Variants in NHS observed in about 807,000 individuals in gnomAD.
NHS encodes NHS actin remodeling regulator.
NHS carries 5 observed loss-of-function variants against 72.5 expected under a neutral mutation model. The observed-to-expected ratio is 0.07, with a 90% CI of 0.04 to 0.14. The LOEUF is 0.14. Ranked by LOEUF, NHS falls within the 10% of genes least tolerant of loss-of-function variation. The probability of loss-of-function intolerance (pLI) is 1.00; values close to 1 mark genes in which losing one functional copy is unlikely to be tolerated. For synonymous variants in NHS, 464 were observed against 547.7 expected, an observed-to-expected ratio of 0.85 and a Z score of 2.13; for missense variants, 1,072 against 1,355.7, an observed-to-expected ratio of 0.79 and a Z score of 3.29.
At chrX:17,562,540 A>G (rs2065421035) in intron 1 of NHS, among the ~76,000 whole-genome samples, 1 of 111,377 alleles carries the variant, frequency 9.0e-6, no homozygotes, top group African/African-American at 3.3e-5. Context: ...TGAGAGGTAT[A>G]AGGGAGATGG....
In NHS at chrX:17,733,804, A is replaced by C. The variant is rs1393160608; in HGVS notation, c.*1340A>C. The C allele has an allele frequency of 9.0e-6, 1 of 111,658 alleles. No individual in the cohort carries two copies. The highest frequency in any genetic ancestry group is 1.9e-5 in the Non-Finnish European group (1 of 53,113). The allele number at this position is 111,658 out of a possible 1,213,427, so 9.2% of individuals were successfully genotyped here. On this transcript the variant is annotated 3_prime_UTR_variant, in exon 9 of 9. Coordinates refer to ENST00000676302, the MANE Select transcript of NHS (RefSeq NM_001291867.2). ...AACTGAGTTTTTGTCTGGTTTTACT[A>C]TAGTGTCTGCTTGATGGCAAAAGGG...
intron 1 of NHS, among the ~76,000 whole-genome samples, chrX:17,403,962 G>C (rs1846094782): frequency 9.0e-6 from 1 of 111,418 alleles, no homozygotes; most frequent in Non-Finnish European, 1.9e-5. Context: ...AGCTATTTTA[G>C]TTATATTTCT....
At chrX:17,613,594 G>A (rs994352448) in intron 1 of NHS, among the ~76,000 whole-genome samples, 1 of 111,269 alleles carries the variant, frequency 9.0e-6, no homozygotes, top group Non-Finnish European at 1.9e-5. Flanking sequence ...CACATCTAAT[G>A]GTAGCACTGG....
At chrX:17,455,314 C>T (rs2064821477) in intron 1 of NHS, among the ~76,000 whole-genome samples, 1 of 111,710 alleles carries the variant, frequency 9.0e-6, no homozygotes, top group South Asian at 3.8e-4. Flanking sequence ...AGCTCCTCTT[C>T]CTCCTTCTCC....
chrX:17,623,989 A>G lies in NHS; in HGVS notation c.566-63753A>G, dbSNP rs1400298705. On this transcript the variant is annotated intron_variant, in intron 1 of 8. Coordinates refer to ENST00000676302, the MANE Select transcript of NHS (RefSeq NM_001291867.2). The stretch of plus-strand genomic sequence containing the variant: ...ATTGGAGTTGTAGGTCTCAAGCTCA[A>G]CTGCCTACGCAGCCAGGCAGCCAGC... Among the ~76,000 whole-genome samples the G allele has an allele frequency of 3.5e-5, 4 of 113,061 alleles. No homozygotes were observed. In the East Asian group the frequency reaches 1.1e-3, roughly 32 times the overall value.
chrX:17,602,564 A>G (rs1341293639), intron 1 of NHS, among the ~76,000 whole-genome samples: 3 of 111,314 alleles, frequency 2.7e-5, no homozygotes, highest in African/African-American at 9.8e-5. Flanking sequence ...ATTTGCTGCA[A>G]ATGGAGAGGA....
chrX:17,725,391 C>T lies in NHS; in HGVS notation c.1285C>T (p.His429Tyr). 8.3e-7 allele frequency: 1 copy of T among 1,206,456 alleles called. No homozygotes were observed. Among genetic ancestry groups the T allele is most frequent in the South Asian group, 1.8e-5 (1 of 56,789 alleles). ...PVARERNVIV[H>Y]TNPDPSNTVN... ...GGCCAGGGAAAGGAATGTGATTGTG[C>T]ACACAAACCCAGACCCCTCCAACAC... is the stretch of plus-strand genomic sequence containing the variant. The change falls in exon 7 of 9, where the codon CAC becomes TAC. Residue 429 changes from histidine to tyrosine, a missense_variant. His to Tyr is a moderately conservative substitution (Grantham distance 83, BLOSUM62 2). Coordinates refer to ENST00000676302, the MANE Select transcript of NHS (RefSeq NM_001291867.2).
chrX:17,472,711 T>C (rs932333773), intron 1 of NHS, among the ~76,000 whole-genome samples: 13 of 111,989 alleles, frequency 1.2e-4, no homozygotes, highest in African/African-American at 3.9e-4. Flanking sequence ...CAGACCACCA[T>C]AGACTCAGGT....
intron 1 of NHS, among the ~76,000 whole-genome samples, chrX:17,494,076 CTTTTTTTTT>C (rs749475125): frequency 4.1e-5 from 3 of 73,321 alleles, no homozygotes; most frequent in East Asian, 4.6e-4. Flanking sequence ...TCCTGGATGA[CTTTTTTTTT>C]TTTTTTTTTT....
chrX:17,620,616 G>A (rs1303115419), intron 1 of NHS, among the ~76,000 whole-genome samples: 3 of 110,876 alleles, frequency 2.7e-5, no homozygotes, highest in Middle Eastern at 4.2e-3. Flanking sequence ...AAAAGGGAAC[G>A]GATTGATGTG....
At chrX:17,565,496 T>G (rs2065438665) in intron 1 of NHS, among the ~76,000 whole-genome samples, 1 of 112,321 alleles carries the variant, frequency 8.9e-6, no homozygotes, top group Admixed American at 9.4e-5. Context: ...CTTTACAGTT[T>G]TTAACAATTT....
At chrX:17,416,725 A>G (rs1451631998) in intron 1 of NHS, among the ~76,000 whole-genome samples, 1 of 110,465 alleles carries the variant, frequency 9.1e-6, no homozygotes, top group Non-Finnish European at 1.9e-5. Context: ...AGCACCTGGC[A>G]TCTAGTAAGT....
intron 1 of NHS, among the ~76,000 whole-genome samples, chrX:17,391,723 A>G (rs1194959014): frequency 9.0e-6 from 1 of 111,668 alleles, no homozygotes; most frequent in Non-Finnish European, 1.9e-5. Context: ...GGCTGCCATG[A>G]CACTCTCATT....
intron 1 of NHS, among the ~76,000 whole-genome samples, chrX:17,598,729 A>G (rs1019460676): frequency 9.0e-6 from 1 of 111,645 alleles, no homozygotes; most frequent in African/African-American, 3.3e-5. Flanking sequence ...TATATTCACT[A>G]TATTGACCTT....
intron 1 of NHS, among the ~76,000 whole-genome samples, chrX:17,430,304 TTTCTTTCTTTCC>T (rs1178257404): frequency 7.0e-5 from 6 of 86,146 alleles, no homozygotes; most frequent in African/African-American, 2.8e-4. Flanking sequence ...TCTTTCTTTC[TTTCTTTCTTTCC>T]TTTCTTTCTT....
intron 1 of NHS, among the ~76,000 whole-genome samples, chrX:17,450,276 G>C (rs1235640086): frequency 9.0e-6 from 1 of 111,416 alleles, no homozygotes; most frequent in Non-Finnish European, 1.9e-5. Flanking sequence ...TTTTTTGTAG[G>C]TTTTATACTT....
At chrX:17,491,773 G>C (rs1249946675) in intron 1 of NHS, among the ~76,000 whole-genome samples, 1 of 50,218 alleles carries the variant, frequency 2.0e-5, no homozygotes, top group Non-Finnish European at 3.7e-5. Context: ...TTTTTTTTTT[G>C]GTTGGTAGGC....
At chrX:17,575,309 G>A (rs1019008522) in intron 1 of NHS, among the ~76,000 whole-genome samples, 2 of 113,059 alleles carry the variant, frequency 1.8e-5, no homozygotes, top group Non-Finnish European at 3.7e-5. Flanking sequence ...TGTTCCCACC[G>A]GTCCAGCTTC....
chrX:17,390,668 G>C (rs943869911), intron 1 of NHS, among the ~76,000 whole-genome samples: 25 of 111,816 alleles, frequency 2.2e-4, no homozygotes, highest in African/African-American at 8.1e-4. Flanking sequence ...AAATGCCTTT[G>C]GTATGAGAAA....
Sources: allele counts gnomAD v4.1 joint callset (sites outside exome capture counted in the v4.1 genomes callset), GRCh38; gene constraint gnomAD v4.1.1; transcripts MANE v1.5; gene names NCBI Gene and HGNC (gene_info 2026-07-23, HGNC 2026-07-21).